Variants in ADAMTS9 observed in about 807,000 individuals in gnomAD.
ADAMTS9 encodes the protein ADAM metallopeptidase with thrombospondin type 1 motif 9.
ADAMTS9 carries 107 observed loss-of-function variants against 257.1 expected under a neutral mutation model. That is an observed-to-expected ratio of 0.42 (90% CI 0.36 to 0.49). ADAMTS9 has a LOEUF of 0.49. Ranked by LOEUF, ADAMTS9 falls within the 20% of genes least tolerant of loss-of-function variation. ADAMTS9 has a pLI of 0.03. For missense variants in ADAMTS9, 2,353 were observed against 2,469.1 expected, an observed-to-expected ratio of 0.95 and a Z score of 1.00; for synonymous variants, 982 against 880.9, an observed-to-expected ratio of 1.11 and a Z score of -2.03.
At chr3:64,614,156 T>C (rs2084717755) in intron 21 of ADAMTS9, among the ~76,000 whole-genome samples, 1 of 152,250 alleles carries the variant, frequency 6.6e-6, no homozygotes, top group South Asian at 2.1e-4. Context: ...ATAGTGAATT[T>C]ACAGTTTGAT....
chr3:64,657,417 G>A (rs1397746463), intron 4 of ADAMTS9, among the ~76,000 whole-genome samples: 1 of 152,048 alleles, frequency 6.6e-6, no homozygotes, highest in African/African-American at 2.4e-5. Context: ...GCTCACTGTA[G>A]CCTCAAACTC....
Position 64,541,869 on chromosome 3 carries a change from T to C in ADAMTS9, c.5166A>G (p.Glu1722=), listed in dbSNP as rs374652632. The C allele has an allele frequency of 1.2e-6, 2 of 1,614,224 alleles. No homozygotes were observed. The highest frequency in any genetic ancestry group is 1.3e-5 in the African/African-American group (1 of 75,060). The change falls in exon 33 of 40, where the codon GAA becomes GAG. Residue 1722 remains glutamate, a synonymous_variant. Transcript: ENST00000498707. ...AGACATTACGGCAGGTTTTTCGTTC[T>C]TCTGGCTTCAGATCAGTGTGGCATA... ...SHLCHTDLKP[E]ERKTCRNVYN...
At chr3:64,575,477 C>T (rs1428147240) in intron 28 of ADAMTS9, among the ~76,000 whole-genome samples, 2 of 152,166 alleles carry the variant, frequency 1.3e-5, no homozygotes, top group Non-Finnish European at 2.9e-5. Context: ...TTCTTTCTCA[C>T]CCCTAAGCAA....
chr3:64,680,362 A>AT (rs927818447), intron 3 of ADAMTS9, among the ~76,000 whole-genome samples: 20 of 152,012 alleles, frequency 1.3e-4, no homozygotes, highest in South Asian at 8.3e-4. Context: ...AAGTCCAAGA[A>AT]TTTTTTTTTA....
Position 64,622,322 on chromosome 3 carries a change from C to T in ADAMTS9, c.2562G>A (p.Leu854=), listed in dbSNP as rs1700129188. The change falls in exon 18 of 40, where the codon TTG becomes TTA. Residue 854 remains leucine, a synonymous_variant. Coordinates refer to ENST00000498707, the MANE Select transcript of ADAMTS9 (RefSeq NM_182920.2). Reference sequence around the variant, plus strand: ...CGGGGTTGTACAACTTTCCCACCGACAAAACCTAGAATGTGTGGACAAAAC... The same window carrying T: ...CGGGGTTGTACAACTTTCCCACCGATAAAACCTAGAATGTGTGGACAAAAC... ...RIEQELLLQV[L]SVGKLYNPDV... The T allele has an allele frequency of 6.2e-7, 1 of 1,613,510 alleles. No individual in the cohort carries two copies. The highest frequency in any genetic ancestry group is 1.3e-5 in the African/African-American group (1 of 74,874).
At chr3:64,553,998 T>C (rs1237331711) in intron 30 of ADAMTS9, among the ~76,000 whole-genome samples, 1 of 152,060 alleles carries the variant, frequency 6.6e-6, no homozygotes, top group Non-Finnish European at 1.5e-5. Context: ...TATATGCAAA[T>C]ACTTAACCAC....
rs569472916 is a variant in ADAMTS9 at position 64,656,792 on chromosome 3, C to T, written c.970-917G>A. On this transcript the variant is annotated intron_variant, in intron 4 of 39. Transcript: ENST00000498707. The stretch of plus-strand genomic sequence containing the variant: ...ACGGAGGCCAGGCAGGGTTGGGGGG[C>T]GCAGAGGGGAATGGGTCACAGCAGT... 9.9e-5 allele frequency among the ~76,000 whole-genome samples: 15 copies of T among 150,796 alleles called. No homozygotes were observed. The South Asian group carries it at 1.5e-3, about 15-fold the overall frequency.
At position 64,541,615 on chromosome 3, in the gene ADAMTS9, A is replaced by C. The variant is rs1408885531; in HGVS notation, c.5203T>G (p.Leu1735Val). 6.2e-7 allele frequency: 1 copy of C among 1,613,184 alleles called. No individual in the cohort carries two copies. Among genetic ancestry groups the C allele is most frequent in the East Asian group, 2.2e-5 (1 of 44,890 alleles). Residue 1735 changes from leucine to valine, a missense_variant, in exon 34 of 40, where the codon TTA (leucine) becomes GTA (valine). Physicochemically the swap from Leu to Val is conservative, Grantham distance 32. Coordinates refer to ENST00000498707, the MANE Select transcript of ADAMTS9 (RefSeq NM_182920.2). ...KTCRNVYNCE[L>V]PQNCKEVKRL... ...TTTACCTCCTTGCAATTCTGGGGTAACTCACCTAGAAAACACCAATCACAA... is the reference window on the plus strand; with the variant it reads ...TTTACCTCCTTGCAATTCTGGGGTACCTCACCTAGAAAACACCAATCACAA...
chr3:64,603,431 T>C (rs1035681340), intron 25 of ADAMTS9, among the ~76,000 whole-genome samples: 4 of 151,740 alleles, frequency 2.6e-5, no homozygotes, highest in Admixed American at 6.6e-5. Context: ...AAAAAACCCA[T>C]AGATAGTGCT....
At position 64,687,482 on chromosome 3, in the gene ADAMTS9, G is replaced by T. The variant is rs1701947864; in HGVS notation, c.115+61C>A. On this transcript the variant is annotated intron_variant, in intron 1 of 39. Transcript: ENST00000498707. The surrounding 1 kb of genome is among the most constrained non-coding windows in gnomAD (Gnocchi z 4.4). ...TCCGCTGCGGGGTGCCCCTGCCCAG[G>T]AGCGAGGACCGGGAGGCGGCGTCGG... The T allele has an allele frequency of 1.5e-6, 2 of 1,362,732 alleles. No individual in the cohort carries two copies. Among genetic ancestry groups the T allele is most frequent in the Non-Finnish European group, 2.0e-6 (2 of 1,009,528 alleles). The allele number at this position is 1,362,732 out of a possible 1,614,324, so 84.4% of individuals were successfully genotyped here. A position where few individuals can be genotyped will look rare whatever the true frequency, so the allele number is the denominator to read the frequency against.
intron 27 of ADAMTS9, 79 bp from the exon 28 acceptor site, chr3:64,594,513 GCCAA>G: frequency 3.9e-6 from 6 of 1,548,296 alleles, no homozygotes; most frequent in Non-Finnish European, 5.3e-6. Context: ...TAATTTCTTA[GCCAA>G]ACTCAATTAT....
intron 5 of ADAMTS9, 45 bp downstream of exon 5, chr3:64,655,747 C>T (rs769092715): frequency 2.5e-6 from 4 of 1,579,206 alleles, no homozygotes; most frequent in Non-Finnish European, 3.5e-6. Context: ...ATTAGATATG[C>T]CATTTCGGAT....
intron 27 of ADAMTS9, among the ~76,000 whole-genome samples, chr3:64,595,878 T>C (rs2084356169): frequency 6.6e-6 from 1 of 152,168 alleles, no homozygotes; most frequent in African/African-American, 2.4e-5. Flanking sequence ...ACAGAACAAC[T>C]CAACAAACTT....
At chr3:64,587,952 G>C (rs1482853741) in intron 28 of ADAMTS9, 1 of 152,124 alleles carries the variant, frequency 6.6e-6, no homozygotes, top group Non-Finnish European at 1.5e-5. Flanking sequence ...ACCCAGCAGG[G>C]AGAAGGCAGA....
At position 64,642,141 on chromosome 3, in the gene ADAMTS9, G is replaced by C. The variant is rs7632980; in HGVS notation, c.1711-148C>G. 1.2e-5 allele frequency: 11 copies of C among 916,650 alleles called. No homozygotes were observed. In the East Asian group the frequency reaches 2.5e-4, roughly 21 times the overall value. 56.8% of individuals were successfully genotyped at this position (916,650 alleles called of 1,614,324 possible). Reference sequence around the variant, plus strand: ...TTCATCATCTATATGAATAATGGAAGCTATAGGGATTTTAATCTCACACTT... The same window carrying C: ...TTCATCATCTATATGAATAATGGAACCTATAGGGATTTTAATCTCACACTT... On this transcript the variant is annotated intron_variant, in intron 11 of 39. Coordinates refer to ENST00000498707, the MANE Select transcript of ADAMTS9 (RefSeq NM_182920.2).
Position 64,596,930 on chromosome 3 carries a change from C to T in ADAMTS9, c.4079G>A (p.Gly1360Glu), listed in dbSNP as rs774967800. 6.2e-7 allele frequency: 1 copy of T among 1,612,978 alleles called. No individual in the cohort carries two copies. Among genetic ancestry groups the T allele is most frequent in the Non-Finnish European group, 8.5e-7 (1 of 1,179,408 alleles). The stretch of plus-strand genomic sequence containing the variant: ...CTCCACACAGTCGTTTGCGGTGTAT[C>T]CATTTTCATCCTGACATACAACAAC... ...RRVVVCQDEN[G>E]YTANDCVERI... Residue 1360 changes from glycine (G) to glutamate (E), a missense_variant, in exon 27 of 40, where the codon GGA becomes GAA. Transcript: ENST00000498707.
At chr3:64,573,107 A>AG (rs1258462811) in intron 28 of ADAMTS9, among the ~76,000 whole-genome samples, 1 of 140,340 alleles carries the variant, frequency 7.1e-6, no homozygotes, top group African/African-American at 2.8e-5. Flanking sequence ...AAATGGAAAA[A>AG]GAAAAAAAGA....
intron 26 of ADAMTS9, among the ~76,000 whole-genome samples, chr3:64,600,751 G>A (rs1453318109): frequency 6.6e-6 from 1 of 152,202 alleles, no homozygotes; most frequent in Non-Finnish European, 1.5e-5. Flanking sequence ...CAACTTGGCA[G>A]CTGTTCTGCA....
At chr3:64,640,507 A>G (rs1365746256) in intron 12 of ADAMTS9, among the ~76,000 whole-genome samples, 1 of 152,212 alleles carries the variant, frequency 6.6e-6, no homozygotes, top group Non-Finnish European at 1.5e-5. Context: ...TCTCAGTACA[A>G]TAGAGTTTGC....
Sources: allele counts gnomAD v4.1 joint callset (sites outside exome capture counted in the v4.1 genomes callset), GRCh38; gene constraint gnomAD v4.1.1; non-coding constraint Gnocchi (gnomAD v3.1); transcripts MANE v1.5; gene names NCBI Gene and HGNC (gene_info 2026-07-23, HGNC 2026-07-21).